The following SDC3 variants were observed in gnomAD, a reference collection of about 807,000 sequenced individuals.
The protein encoded by SDC3 is syndecan-3.
In SDC3, 13 loss-of-function variants were observed where a neutral mutation model predicts 24.4. The ratio of observed to expected loss-of-function variants is 0.53; its 90% confidence interval spans 0.35 to 0.85. SDC3 has a LOEUF of 0.85. Ranked by LOEUF, SDC3 falls within the 40% of genes least tolerant of loss-of-function variation. The pLI, the probability that SDC3 is intolerant of heterozygous loss-of-function variation, is 0.01. For synonymous variants in SDC3, 295 were observed against 260.9 expected (o/e 1.13, Z -1.26); for missense variants, 571 against 584.5 (o/e 0.98, Z 0.24).
At chr1:30,877,199 A>C in intron 2 of SDC3, 34 bp from the exon 3 acceptor site, 1 of 1,612,910 alleles carries the variant, frequency 6.2e-7, no homozygotes, top group Non-Finnish European at 8.5e-7. Flanking sequence ...AGAGCTAGGG[A>C]GCTGGGTGGT....
intron 1 of SDC3, among the ~76,000 whole-genome samples, chr1:30,886,699 A>T (rs1570009181): frequency 6.6e-6 from 1 of 152,136 alleles, no homozygotes; most frequent in East Asian, 1.9e-4. Context: ...CCAGTTTGTG[A>T]TTCAAGACTC....
intron 1 of SDC3, among the ~76,000 whole-genome samples, chr1:30,891,991 A>G (rs1458159906): frequency 2.0e-5 from 3 of 152,026 alleles, no homozygotes; most frequent in South Asian, 2.1e-4. Flanking sequence ...AATGGGGTGC[A>G]GGGAGCCAAA....
At chr1:30,889,390 C>T (rs775243734) in intron 1 of SDC3, among the ~76,000 whole-genome samples, 1 of 152,156 alleles carries the variant, frequency 6.6e-6, no homozygotes, top group African/African-American at 2.4e-5. Context: ...TTCCCACACA[C>T]AGTACGTGGT....
Position 30,876,994 on chromosome 1 carries a change from A to G in SDC3, c.428T>C (p.Leu143Pro). 1.2e-6 allele frequency: 2 copies of G among 1,613,536 alleles called. No homozygotes were observed. The highest frequency in any genetic ancestry group is 1.7e-4 in the Middle Eastern group (1 of 6,060). The change falls in exon 3 of 5, where the codon CTG (leucine) becomes CCG (proline). Residue 143 changes from leucine to proline, a missense_variant. This residue lies in a region of SDC3 where 497 missense variants were observed against 471.6 expected (regional missense o/e 1.05). Transcript: ENST00000339394. The stretch of plus-strand genomic sequence containing the variant: ...CTCTTCCGGGACTTCTGTCACCACC[A>G]GGGGGCTGGTGGCTGGCTCCAGGGT... Reference protein sequence around the residue: ...RPTLEPATSPLVVTEVPEEPS... With the variant: ...RPTLEPATSPPVVTEVPEEPS...
intron 1 of SDC3, among the ~76,000 whole-genome samples, chr1:30,887,115 G>C (rs1372585185): frequency 1.3e-5 from 2 of 152,106 alleles, no homozygotes; most frequent in Non-Finnish European, 1.5e-5. Context: ...CTGAAAGCCT[G>C]GGAGTGAGTA....
chr1:30,894,263 GT>G (rs1570019389), intron 1 of SDC3, among the ~76,000 whole-genome samples: 1 of 148,826 alleles, frequency 6.7e-6, no homozygotes, highest in Non-Finnish European at 1.5e-5. Context: ...GTATGTGTGT[GT>G]GTGGGTGAGT....
chr1:30,908,910 C>T (rs547324608), upstream of SDC3: 1 of 151,350 alleles, frequency 6.6e-6, no homozygotes, highest in African/African-American at 2.4e-5. Context: ...CAGCCCCCGC[C>T]CCCACCCAGA....
intron 1 of SDC3, among the ~76,000 whole-genome samples, chr1:30,899,810 A>G (rs1177336678): frequency 1.3e-5 from 2 of 152,184 alleles, no homozygotes; most frequent in East Asian, 3.8e-4. Flanking sequence ...ACCTGCCTGA[A>G]GCAAGACATG....
intron 2 of SDC3, chr1:30,878,284 C>G (rs1557515662): frequency 1.3e-5 from 3 of 239,664 alleles, no homozygotes; most frequent in Non-Finnish European, 2.5e-5. Flanking sequence ...TCATCACTGC[C>G]CTAACCCCAC....
intron 1 of SDC3, among the ~76,000 whole-genome samples, chr1:30,904,542 C>A (rs1027831707): frequency 1.3e-5 from 2 of 152,074 alleles, no homozygotes; most frequent in South Asian, 2.1e-4. Context: ...CTCGCACCAA[C>A]CCCCAACACA....
intron 4 of SDC3, 50 bp from the exon 5 acceptor site, chr1:30,873,427 G>A: frequency 3.4e-6 from 5 of 1,467,612 alleles, no homozygotes; most frequent in Non-Finnish European, 4.7e-6. Context: ...GGTAGAACCA[G>A]GGCAAAGGGT....
intron 1 of SDC3, among the ~76,000 whole-genome samples, chr1:30,893,316 C>CCA (rs1491463450): frequency 7.8e-6 from 1 of 128,336 alleles, no homozygotes; most frequent in South Asian, 3.2e-4. Context: ...CCCCCCCCCC[C>CCA]CACCATGTCT....
In SDC3 at chr1:30,908,505, GGGCCCCGGGCCCGGCCGCGGCCCC is replaced by G. The variant is rs900642593; in HGVS notation, c.58_81del (p.Gly20_Ala27del). On this transcript the variant is annotated inframe_deletion, in exon 1 of 5. Transcript: ENST00000339394. ...AGCAGCGGTGGCAGGAGCAGCCCGC[GGGCCCCGGGCCCGGCCGCGGCCCC>G]GGCCCCGGCGCCGGCCCCGTGGGCG... 2.5e-4 allele frequency: 243 copies of G among 979,674 alleles called. No homozygotes were observed. Among genetic ancestry groups the G allele is most frequent in the Non-Finnish European group, 2.7e-4 (227 of 828,178 alleles). The allele number at this position is 979,674 out of a possible 1,614,324, so 60.7% of individuals were successfully genotyped here. A position where few individuals can be genotyped will look rare whatever the true frequency, so the allele number is the denominator to read the frequency against.
At chr1:30,881,023 G>A (rs1476233519) in intron 1 of SDC3, among the ~76,000 whole-genome samples, 7 of 138,666 alleles carry the variant, frequency 5.0e-5, no homozygotes, top group African/African-American at 8.5e-5. Context: ...ACGCGCGCAC[G>A]CATGCACACA....
intron 1 of SDC3, among the ~76,000 whole-genome samples, chr1:30,884,674 T>C (rs1480021141): frequency 1.3e-5 from 2 of 152,062 alleles, no homozygotes; most frequent in Non-Finnish European, 2.9e-5. Flanking sequence ...CGTGGACAAA[T>C]CCTCTTCCCC....
In SDC3 at chr1:30,874,584, G is replaced by T; in HGVS notation, c.875C>A (p.Pro292Gln). ...APGPTEVAQT[P>Q]TPETFLTTIR... ...TGTGGTCAGGAAGGTCTCTGGAGTT[G>T]GGGTCTGCAGAGAGGGTGGCATGAG... Residue 292 changes from proline (P) to glutamine (Q), a missense_variant, in exon 4 of 5, where the codon CCA becomes CAA. Physicochemically the swap from Pro to Gln is moderately conservative, Grantham distance 76. Transcript: ENST00000339394. 1 of 1,613,724 alleles carries T rather than the reference G, an allele frequency of 6.2e-7. No individual in the cohort carries two copies. Among genetic ancestry groups the T allele is most frequent in the Non-Finnish European group, 8.5e-7 (1 of 1,179,768 alleles).
At chr1:30,908,244 G>C (rs1050193337) in intron 1 of SDC3, among the ~76,000 whole-genome samples, 4 of 150,636 alleles carry the variant, frequency 2.7e-5, no homozygotes, top group African/African-American at 4.9e-5. Flanking sequence ...TGCCAGCTAG[G>C]GGGAGATTCC....
chr1:30,874,046 G>T lies in SDC3; in HGVS notation c.1162+251C>A, dbSNP rs1470745891. On this transcript the variant is annotated intron_variant, in intron 4 of 4. Transcript: ENST00000339394. The stretch of plus-strand genomic sequence containing the variant: ...GGATCAAAGTCAGAGTCCACAGAGG[G>T]GTCAGAGGACACTGAGGGAAGACCT... Among the ~76,000 whole-genome samples the T allele has an allele frequency of 2.0e-5, 3 of 152,164 alleles. No individual in the cohort carries two copies. The East Asian group carries it at 5.8e-4, about 29-fold the overall frequency.
chr1:30,909,139 C>T (rs893792185), upstream of SDC3, among the ~76,000 whole-genome samples: 1 of 152,174 alleles, frequency 6.6e-6, no homozygotes, highest in African/African-American at 2.4e-5. Flanking sequence ...ACAGCCTCCC[C>T]CTGTGGCTCC....
Sources: allele counts gnomAD v4.1 joint callset (sites outside exome capture counted in the v4.1 genomes callset), GRCh38; gene constraint gnomAD v4.1.1; regional missense constraint gnomAD v4.1.1; transcripts MANE v1.5; gene names NCBI Gene and HGNC (gene_info 2026-07-23, HGNC 2026-07-21).